BRWD1: variants seen among roughly 807,000 people sequenced by gnomAD.
The protein encoded by BRWD1 is bromodomain and WD repeat-containing protein 1.
A neutral mutation model predicts 251.2 loss-of-function variants in BRWD1; 82 were observed. That is an observed-to-expected ratio of 0.33 (90% CI 0.27 to 0.39). BRWD1 has a LOEUF of 0.39. Among genes scored for constraint, BRWD1 ranks in the 10% least tolerant of loss-of-function variants. BRWD1 has a pLI of 1.00. For synonymous variants in BRWD1, 918 were observed against 902.8 expected (o/e 1.02, Z -0.30); for missense variants, 2,233 against 2,711.6 (o/e 0.82, Z 3.92).
chr21:39,194,939 A>T lies in BRWD1; in HGVS notation c.*1320T>A, dbSNP rs1458762266. ...ACTGTAACATATCCCTTACCCACTA[A>T]ATATGTAAACCATTTGAATCAAGTC... On this transcript the variant is annotated 3_prime_UTR_variant, in exon 41 of 41. Transcript: ENST00000342449. 6.8e-7 allele frequency: 1 copy of T among 1,477,236 alleles called. No individual in the cohort carries two copies. The highest frequency in any genetic ancestry group is 8.9e-7 in the Non-Finnish European group (1 of 1,119,782). The allele number at this position is 1,477,236 out of a possible 1,614,324, so 91.5% of individuals were successfully genotyped here.
At chr21:39,215,141 A>G in intron 32 of BRWD1, 96 bp downstream of exon 32, 1 of 1,289,008 alleles carries the variant, frequency 7.8e-7, no homozygotes, top group South Asian at 1.3e-5. Flanking sequence ...AAGTGCTGGG[A>G]TTAACAGGCA....
chr21:39,220,038 A>G (rs1213745600), intron 29 of BRWD1, among the ~76,000 whole-genome samples: 1 of 151,648 alleles, frequency 6.6e-6, no homozygotes, highest in African/African-American at 2.4e-5. Context: ...GCTTTAAAAA[A>G]CACTGGTTTA....
chr21:39,290,987 G>A (rs982157468), intron 8 of BRWD1, among the ~76,000 whole-genome samples: 5 of 152,054 alleles, frequency 3.3e-5, no homozygotes, highest in African/African-American at 1.2e-4. Context: ...TAAAAAGCCG[G>A]GGTTGGTAAG....
rs758136847 is a variant in BRWD1, at chr21:39,202,434, T to C, written c.4476A>G (p.Thr1492=). 4.4e-5 allele frequency: 71 copies of C among 1,614,076 alleles called. No individual in the cohort carries two copies. The highest frequency in any genetic ancestry group is 6.0e-5 in the Non-Finnish European group (71 of 1,179,936). ...TAACACCTGAAGAGATACCAGCACTTGTCTTGTGGGTTCCAAGATAAGCTG... is the reference window on the plus strand; with the variant it reads ...TAACACCTGAAGAGATACCAGCACTCGTCTTGTGGGTTCCAAGATAAGCTG... ...SRTAYLGTHK[T]SAGISSGVTS... is the part of the protein sequence containing the mutation. The change falls in exon 38 of 41, where the codon ACA becomes ACG. Residue 1492 remains threonine, a synonymous_variant. Transcript: ENST00000342449.
Position 39,218,255 on chromosome 21 carries a change from C to T in BRWD1, c.3556G>A (p.Ala1186Thr). 6.2e-7 allele frequency: 1 copy of T among 1,608,706 alleles called. No homozygotes were observed. The highest frequency in any genetic ancestry group is 8.5e-7 in the Non-Finnish European group (1 of 1,178,790). The change falls in exon 31 of 41, where the codon GCA becomes ACA. Residue 1186 changes from alanine (A) to threonine (T), a missense_variant. Ala to Thr is a moderately conservative substitution (Grantham distance 58). Transcript: ENST00000342449. Reference protein sequence around the residue: ...LLNLDIAAAFAGPVDLCTYPK... With the variant: ...LLNLDIAAAFTGPVDLCTYPK... ...TATGTACACAAATCAACAGGGCCTG[C>T]AAAAGCTGCTGCTATATCTGTTAGG...
intron 34 of BRWD1, among the ~76,000 whole-genome samples, 162 bp from the exon 35 acceptor site, chr21:39,211,091 G>A (rs6517528): frequency 0.93 from 141,830 of 152,306 alleles, 66,422 homozygotes; most frequent in African/African-American, 0.98. Context: ...TGCATGAAAC[G>A]TAAGTTATTT....
chr21:39,225,770 G>A lies in BRWD1; in HGVS notation c.3209-573C>T, dbSNP rs891534863. On this transcript the variant is annotated intron_variant, in intron 27 of 40. Coordinates refer to ENST00000342449, the MANE Select transcript of BRWD1 (RefSeq NM_033656.4). Reference sequence around the variant, plus strand: ...ATAACTACTAGACCTACATGTTTTAGTCTTTAGCATATTTTCAAACTTATG... The same window carrying A: ...ATAACTACTAGACCTACATGTTTTAATCTTTAGCATATTTTCAAACTTATG... Among the ~76,000 whole-genome samples the A allele has an allele frequency of 2.0e-5, 3 of 152,020 alleles. No individual in the cohort carries two copies. The East Asian group carries it at 5.8e-4, about 29-fold the overall frequency.
In BRWD1 at chr21:39,195,463, G is replaced by A. The variant is rs2031763357; in HGVS notation, c.*796C>T. 1 of 985,620 alleles carries A rather than the reference G, an allele frequency of 1.0e-6. No homozygotes were observed. The highest frequency in any genetic ancestry group is 1.2e-6 in the Non-Finnish European group (1 of 829,776). 61.1% of individuals were successfully genotyped at this position (985,620 alleles called of 1,614,324 possible). ...TTAAATCCCTTACAATGGAAACCAGGAGATCTTGGACAGAAGACAGATTAT... is the reference window on the plus strand; with the variant it reads ...TTAAATCCCTTACAATGGAAACCAGAAGATCTTGGACAGAAGACAGATTAT... On this transcript the variant is annotated 3_prime_UTR_variant, in exon 41 of 41. Transcript: ENST00000342449.
At chr21:39,278,531 T>C (rs995037339) in intron 10 of BRWD1, 1 of 505,988 alleles carries the variant, frequency 2.0e-6, no homozygotes, top group Non-Finnish European at 3.5e-6. Context: ...AGCCATCTCT[T>C]ATATCACTGA....
chr21:39,257,815 T>C (rs1006170508), intron 18 of BRWD1, among the ~76,000 whole-genome samples: 7 of 152,012 alleles, frequency 4.6e-5, no homozygotes, highest in African/African-American at 1.7e-4. Flanking sequence ...TGTGCACACA[T>C]ACACAAAAAA....
chr21:39,314,469 C>T (rs967953467), upstream of BRWD1: 2 of 380,042 alleles, frequency 5.3e-6, no homozygotes, highest in African/African-American at 2.1e-5. Flanking sequence ...GGCCGCAGAC[C>T]CTCCTTAGGA....
At chr21:39,292,115 T>TGGGGGG (rs1601477074) in intron 8 of BRWD1, among the ~76,000 whole-genome samples, 2 of 10,274 alleles carry the variant, frequency 1.9e-4, no homozygotes, top group Admixed American at 1.3e-3. Flanking sequence ...CTATTTTTTG[T>TGGGGGG]GGGGGGTGGG....
intron 33 of BRWD1, 119 bp downstream of exon 33, chr21:39,213,362 T>C (rs896098616): frequency 1.2e-6 from 1 of 807,908 alleles, no homozygotes; most frequent in African/African-American, 1.7e-5. Context: ...TTTTATCAAA[T>C]GCCCTATTTG....
upstream of BRWD1, among the ~76,000 whole-genome samples, chr21:39,318,062 G>A (rs990885349): frequency 2.6e-5 from 4 of 152,004 alleles, no homozygotes; most frequent in African/African-American, 7.3e-5. Flanking sequence ...AAAAGAATGA[G>A]GAACTAAGGC....
rs547723852 is a variant in BRWD1, at chr21:39,288,735, A to G, written c.831+5076T>C. Among the ~76,000 whole-genome samples, 380 of 152,340 alleles carry G rather than the reference A, an allele frequency of 2.5e-3. 2 individuals carry two copies. The highest frequency in any genetic ancestry group is 8.6e-3 in the African/African-American group (358 of 41,574). On this transcript the variant is annotated intron_variant, in intron 8 of 40. Coordinates refer to ENST00000342449, the MANE Select transcript of BRWD1 (RefSeq NM_033656.4). ...AAGCTAGAGAAAAGAAAATGTTATC[A>G]AGAAAATCGTAAGGAAGAGAAAATA...
chr21:39,238,406 TAAAATTCAAGTATGATTCCA>T, intron 22 of BRWD1, 53 bp downstream of exon 22: 2 of 1,281,752 alleles, frequency 1.6e-6, no homozygotes, highest in African/African-American at 3.0e-5. Context: ...GCCTCTTGAA[TAAAATTCAAGTATGATTCCA>T]TCCAAGACTA....
chr21:39,192,062 G>C lies in BRWD1; in HGVS notation c.*4197C>G, dbSNP rs1271402511. On this transcript the variant is annotated 3_prime_UTR_variant, in exon 41 of 41. Transcript: ENST00000342449. ...CATCAAATCTAGAAAAGCAATTCTTGAGCAGACACCAATTTAAAGATATTT... is the reference window on the plus strand; with the variant it reads ...CATCAAATCTAGAAAAGCAATTCTTCAGCAGACACCAATTTAAAGATATTT... 3 of 984,944 alleles carry C rather than the reference G, an allele frequency of 3.0e-6. No homozygotes were observed. Among genetic ancestry groups the C allele is most frequent in the Non-Finnish European group, 3.6e-6 (3 of 829,730 alleles). The allele number at this position is 984,944 out of a possible 1,614,324, so 61.0% of individuals were successfully genotyped here.
intron 13 of BRWD1, among the ~76,000 whole-genome samples, chr21:39,271,997 C>T (rs2035123673): frequency 8.4e-6 from 1 of 118,806 alleles, no homozygotes; most frequent in Non-Finnish European, 1.7e-5. Flanking sequence ...TGAGACCGTG[C>T]CACTCCATTT....
intron 21 of BRWD1, among the ~76,000 whole-genome samples, chr21:39,246,777 A>G (rs2146598059): frequency 6.6e-6 from 1 of 152,340 alleles, no homozygotes; most frequent in African/African-American, 2.4e-5. Context: ...GCCAGTCACA[A>G]AATCATATTT....
Sources: gnomAD v4.1 joint callset for allele counts (sites outside exome capture counted in the v4.1 genomes callset) on GRCh38, gnomAD v4.1.1 for gene constraint, MANE v1.5 for transcripts, NCBI Gene and HGNC (gene_info 2026-07-23, HGNC 2026-07-21) for gene names.